The following TRAF6 variants were observed in gnomAD, a reference collection of about 807,000 sequenced individuals.
TRAF6 encodes the protein TNF receptor-associated factor 6.
A neutral mutation model predicts 48.4 loss-of-function variants in TRAF6; 10 were observed. That is an observed-to-expected ratio of 0.21 (90% CI 0.13 to 0.35). TRAF6 has a LOEUF of 0.35. Ranked by LOEUF, TRAF6 falls within the 10% of genes least tolerant of loss-of-function variation. The pLI, the probability that TRAF6 is intolerant of heterozygous loss-of-function variation, is 1.00. For missense variants in TRAF6, 397 were observed against 661.0 expected, an observed-to-expected ratio of 0.60 and a Z score of 4.38; for synonymous variants, 186 against 219.6, an observed-to-expected ratio of 0.85 and a Z score of 1.35.
chr11:36,484,198 G>A lies in TRAF6; in HGVS notation c.*5640C>T, dbSNP rs1032926449. Among the ~76,000 whole-genome samples the A allele has an allele frequency of 6.6e-6, 1 of 152,184 alleles. No individual in the cohort carries two copies. Among genetic ancestry groups the A allele is most frequent in the African/African-American group, 2.4e-5 (1 of 41,446 alleles). ...GCATGCTGATGGTGCAGGGAGTGGT[G>A]GAAGATGTGCCACCTCAAATCTGGA... On this transcript the variant is annotated 3_prime_UTR_variant, in exon 7 of 7. Coordinates refer to ENST00000526995, the MANE Select transcript of TRAF6 (RefSeq NM_004620.4).
chr11:36,492,767 C>A, intron 5 of TRAF6, 139 bp from the exon 6 acceptor site: 3 of 603,376 alleles, frequency 5.0e-6, no homozygotes, highest in Non-Finnish European at 2.9e-6. Flanking sequence ...AAACCATCAC[C>A]CACAAAAATT....
intron 1 of TRAF6, among the ~76,000 whole-genome samples, chr11:36,502,804 T>C (rs116742215): frequency 0.012 from 1,844 of 152,310 alleles, 32 homozygotes; most frequent in African/African-American, 0.042. Flanking sequence ...GGGCAAATTA[T>C]ATAACCTTTC....
chr11:36,509,848 G>A (rs957679782), intron 1 of TRAF6, among the ~76,000 whole-genome samples, 200 bp downstream of exon 1: 1 of 151,298 alleles, frequency 6.6e-6, no homozygotes, highest in Non-Finnish European at 1.5e-5. Context: ...TCCCCGACCC[G>A]TGGGAAGCAA....
chr11:36,501,150 T>C lies in TRAF6; in HGVS notation c.296+70A>G. The C allele has an allele frequency of 3.5e-6, 5 of 1,408,536 alleles. No individual in the cohort carries two copies. In the East Asian group the frequency reaches 7.5e-5, roughly 21 times the overall value. 87.3% of individuals were successfully genotyped at this position (1,408,536 alleles called of 1,614,324 possible). On this transcript the variant is annotated intron_variant, in intron 2 of 6. Transcript: ENST00000526995. ...GTAAGACTACTTTTGGGATGTTCCA[T>C]GTTCTATGTAACAATGTTCTCTGCA...
chr11:36,508,819 G>A (rs1859847194), intron 1 of TRAF6, among the ~76,000 whole-genome samples: 1 of 152,032 alleles, frequency 6.6e-6, no homozygotes, highest in African/African-American at 2.4e-5. Context: ...CCCCTTCCTG[G>A]GCACTATTTA....
At chr11:36,501,624 G>T in intron 1 of TRAF6, 87 bp from the exon 2 acceptor site, 2 of 1,047,866 alleles carry the variant, frequency 1.9e-6, no homozygotes, top group Non-Finnish European at 2.6e-6. Flanking sequence ...ATCTATACAA[G>T]TCACTTTTTA....
chr11:36,506,851 C>A (rs936789152), intron 1 of TRAF6, among the ~76,000 whole-genome samples: 1 of 152,048 alleles, frequency 6.6e-6, no homozygotes, highest in African/African-American at 2.4e-5. Flanking sequence ...ATATAGTTAT[C>A]CTTTAAGTCC....
intron 3 of TRAF6, 88 bp from the exon 4 acceptor site, chr11:36,497,354 A>G (rs1292402595): frequency 3.1e-6 from 4 of 1,278,334 alleles, no homozygotes; most frequent in Non-Finnish European, 4.3e-6. Flanking sequence ...GTTCTCTTTC[A>G]GCAGGCTACT....
At position 36,494,627 on chromosome 11, in the gene TRAF6, G is replaced by A. The variant is rs331460; in HGVS notation, c.678+349C>T. On this transcript the variant is annotated intron_variant, in intron 5 of 6. Coordinates refer to ENST00000526995, the MANE Select transcript of TRAF6 (RefSeq NM_004620.4). ...ACTTGAGATCCTCATTTCACAGTGT[G>A]TAAATATATATATATATATCTTAGT... is the stretch of plus-strand genomic sequence containing the variant. Among the ~76,000 whole-genome samples, 445 of 147,078 alleles carry A rather than the reference G, an allele frequency of 3.0e-3. 2 individuals are homozygous for A. Among genetic ancestry groups the A allele is most frequent in the African/African-American group, 0.011 (419 of 39,644 alleles).
At chr11:36,509,904 G>A (rs548075002) in intron 1 of TRAF6, 144 bp downstream of exon 1, 14 of 152,170 alleles carry the variant, frequency 9.2e-5, no homozygotes, top group African/African-American at 3.4e-4. Flanking sequence ...GAAGGGACAG[G>A]GGAGGCGTCC....
intron 4 of TRAF6, 49 bp downstream of exon 4, chr11:36,497,059 A>C (rs1189563197): frequency 5.6e-6 from 9 of 1,595,772 alleles, no homozygotes; most frequent in Non-Finnish European, 6.8e-6. Flanking sequence ...ACATTTAAGA[A>C]CAATATTTTA....
intron 1 of TRAF6, among the ~76,000 whole-genome samples, chr11:36,501,993 A>G (rs1205895854): frequency 2.0e-5 from 3 of 152,222 alleles, no homozygotes; most frequent in South Asian, 2.1e-4. Context: ...AAGCATCGCT[A>G]AAGAACTTAT....
chr11:36,507,808 TAC>T (rs199843899), intron 1 of TRAF6, among the ~76,000 whole-genome samples: 1,769 of 145,872 alleles, frequency 0.012, 32 homozygotes, highest in African/African-American at 0.042. Context: ...TGTGTATATA[TAC>T]ACATATATAC....
intron 4 of TRAF6, among the ~76,000 whole-genome samples, chr11:36,495,278 T>C (rs1349648627): frequency 6.6e-6 from 1 of 152,222 alleles, no homozygotes; most frequent in East Asian, 1.9e-4. Context: ...CAGGGTAGTA[T>C]ATAAAAAATA....
At chr11:36,495,397 C>G (rs1859616690) in intron 4 of TRAF6, among the ~76,000 whole-genome samples, 1 of 152,162 alleles carries the variant, frequency 6.6e-6, no homozygotes, top group African/African-American at 2.4e-5. Flanking sequence ...AAATTTTCAG[C>G]AGCAGCATGA....
At chr11:36,502,242 G>A (rs911465371) in intron 1 of TRAF6, among the ~76,000 whole-genome samples, 1 of 152,098 alleles carries the variant, frequency 6.6e-6, no homozygotes, top group Non-Finnish European at 1.5e-5. Context: ...AAATAGAATT[G>A]AAAAAGTGTA....
At chr11:36,491,742 C>T (rs1295494500) in intron 6 of TRAF6, among the ~76,000 whole-genome samples, 3 of 152,116 alleles carry the variant, frequency 2.0e-5, no homozygotes, top group Non-Finnish European at 2.9e-5. Context: ...CCTGTACATA[C>T]GCCATATGAT....
In TRAF6 at chr11:36,489,555, A is replaced by T. The variant is rs1859532704; in HGVS notation, c.*283T>A. On this transcript the variant is annotated 3_prime_UTR_variant, in exon 7 of 7. Coordinates refer to ENST00000526995, the MANE Select transcript of TRAF6 (RefSeq NM_004620.4). ...AATACACCAGAGCAAAAGCCCAAGA[A>T]AGTACAACAAAGAGGTATACTAACT... is the stretch of plus-strand genomic sequence containing the variant. The T allele has an allele frequency of 5.1e-6, 2 of 390,338 alleles. No individual in the cohort carries two copies. Among genetic ancestry groups the T allele is most frequent in the Non-Finnish European group, 9.1e-6 (2 of 218,798 alleles). 24.2% of individuals were successfully genotyped at this position (390,338 alleles called of 1,614,324 possible).
chr11:36,505,257 T>C (rs1471693602), intron 1 of TRAF6, among the ~76,000 whole-genome samples: 4 of 152,228 alleles, frequency 2.6e-5, no homozygotes, highest in Non-Finnish European at 5.9e-5. Flanking sequence ...CTGTTAAGTA[T>C]ACACTGAAAA....
Sources: allele counts gnomAD v4.1 joint callset (sites outside exome capture counted in the v4.1 genomes callset), GRCh38; gene constraint gnomAD v4.1.1; transcripts MANE v1.5; gene names NCBI Gene and HGNC (gene_info 2026-07-23, HGNC 2026-07-21).